The following FN3K variants were observed in gnomAD, a reference collection of about 807,000 sequenced individuals.
FN3K encodes fructosamine 3 kinase.
FN3K carries 24 observed loss-of-function variants against 24.8 expected under a neutral mutation model. That is an observed-to-expected ratio of 0.97 (90% CI 0.70 to 1.36). The LOEUF (loss-of-function observed/expected upper bound fraction) is 1.36. Among genes scored for constraint, FN3K ranks in the 40% most tolerant of loss-of-function variants. The pLI is 0.00. For missense variants in FN3K, 449 were observed against 416.7 expected, an observed-to-expected ratio of 1.08 and a Z score of -0.67; for synonymous variants, 192 against 175.2, an observed-to-expected ratio of 1.10 and a Z score of -0.76.
At chr17:82,737,081 G>A (rs528502445) in intron 1 of FN3K, among the ~76,000 whole-genome samples, 42 of 152,236 alleles carry the variant, frequency 2.8e-4, no homozygotes, top group African/African-American at 8.9e-4. Flanking sequence ...TGTGCCGGCC[G>A]CCCTCCCACC....
chr17:82,748,642 T>G (rs1212569136), intron 4 of FN3K, among the ~76,000 whole-genome samples: 1 of 152,222 alleles, frequency 6.6e-6, no homozygotes, highest in Non-Finnish European at 1.5e-5. Context: ...GTCATATAGT[T>G]TTGAGTCTGT....
At chr17:82,736,694 G>T (rs969569961) in intron 1 of FN3K, among the ~76,000 whole-genome samples, 2 of 152,220 alleles carry the variant, frequency 1.3e-5, no homozygotes, top group Non-Finnish European at 2.9e-5. Context: ...TCTCTGAGGG[G>T]CAGCAGGGGT....
At chr17:82,739,806 T>A (rs1455660366) in intron 2 of FN3K, among the ~76,000 whole-genome samples, 1 of 152,202 alleles carries the variant, frequency 6.6e-6, no homozygotes, top group East Asian at 1.9e-4. Flanking sequence ...CTCAAACTCC[T>A]GACCTCAGTG....
At chr17:82,743,409 G>C (rs1367038097) in intron 4 of FN3K, among the ~76,000 whole-genome samples, 1 of 152,198 alleles carries the variant, frequency 6.6e-6, no homozygotes, top group African/African-American at 2.4e-5. Flanking sequence ...GCGCCAGGGA[G>C]GACACCTGCC....
chr17:82,736,922 C>T (rs1326376377), intron 1 of FN3K, among the ~76,000 whole-genome samples: 4 of 152,218 alleles, frequency 2.6e-5, no homozygotes. Flanking sequence ...CCCCTCCTTC[C>T]CTCCCACCCC....
At position 82,750,750 on chromosome 17, in the gene FN3K, A is replaced by T; in HGVS notation, c.925A>T (p.Lys309Ter). The change falls in exon 6 of 6, where the codon AAG (lysine) becomes TAG (stop). Residue 309 changes from lysine to a stop codon, truncating the protein, a stop_gained. Transcript: ENST00000300784. LOFTEE classifies it high-confidence loss of function. ...CTTGGGCACCATGCGAAGGCTGCTC[A>T]AGTAGCGGCCCCTGCCCTCCCTTCC... ...PSLGTMRRLL[K>*] is the part of the protein sequence containing the mutation. The T allele has an allele frequency of 6.2e-7, 1 of 1,611,566 alleles. No individual in the cohort carries two copies.
chr17:82,738,390 G>A, intron 1 of FN3K, 99 bp from the exon 2 acceptor site: 1 of 1,517,650 alleles, frequency 6.6e-7, no homozygotes, highest in South Asian at 1.1e-5. Context: ...AGTGAATGAA[G>A]GTCCTTGTGA....
chr17:82,749,557 A>G (rs2451222), intron 5 of FN3K: 171,398 of 172,424 alleles, frequency 0.99, 85,197 homozygotes, highest in Non-Finnish European at 1. Context: ...CCAGCTACTC[A>G]GGAGGCTGAG....
At chr17:82,741,448 TTA>T in intron 4 of FN3K, 55 bp downstream of exon 4, 1 of 1,458,658 alleles carries the variant, frequency 6.9e-7, no homozygotes, top group Non-Finnish European at 9.5e-7. Flanking sequence ...CACCCACTCT[TTA>T]TATGTGACAG....
chr17:82,741,277 A>C, intron 3 of FN3K, 34 bp from the exon 4 acceptor site: 1 of 1,598,926 alleles, frequency 6.3e-7, no homozygotes. Context: ...AGAAAGACAA[A>C]CAGCTCCTTC....
intron 3 of FN3K, 75 bp downstream of exon 3, chr17:82,740,929 T>C (rs570335020): frequency 2.0e-5 from 19 of 961,276 alleles, no homozygotes; most frequent in Non-Finnish European, 3.2e-5. Context: ...ATGGTACTTC[T>C]TGGTGGCATT....
intron 1 of FN3K, 129 bp from the exon 2 acceptor site, chr17:82,738,360 C>A (rs1357475294): frequency 1.5e-6 from 2 of 1,330,180 alleles, no homozygotes; most frequent in Non-Finnish European, 2.1e-6. Flanking sequence ...GACGCCAGCT[C>A]CCAGCCAGAG....
In FN3K at chr17:82,738,589, G is replaced by A. The variant is rs1425739782; in HGVS notation, c.242G>A (p.Gly81Glu). ...PRPMKVIDLPGGGAAFVMEHL... is the reference protein window; with the variant it reads ...PRPMKVIDLPEGGAAFVMEHL... Reference sequence around the variant, plus strand: ...CCCATGAAGGTCATCGACCTGCCGGGAGGTGGGGCCGCCTTTGTGATGGAG... The same window carrying A: ...CCCATGAAGGTCATCGACCTGCCGGAAGGTGGGGCCGCCTTTGTGATGGAG... The change falls in exon 2 of 6, where the codon GGA becomes GAA. Residue 81 changes from glycine (G) to glutamate (E), a missense_variant. Coordinates refer to ENST00000300784, the MANE Select transcript of FN3K (RefSeq NM_022158.4). 4 of 1,614,118 alleles carry A rather than the reference G, an allele frequency of 2.5e-6. No homozygotes were observed. Among genetic ancestry groups the A allele is most frequent in the Non-Finnish European group, 3.4e-6 (4 of 1,180,022 alleles).
In FN3K at chr17:82,738,591, G is replaced by A; in HGVS notation, c.244G>A (p.Gly82Ser). The change falls in exon 2 of 6, where the codon GGT becomes AGT. Residue 82 changes from glycine (G) to serine (S), a missense_variant. Transcript: ENST00000300784. The part of the protein sequence containing the change: ...RPMKVIDLPG[G>S]GAAFVMEHLK... ...CATGAAGGTCATCGACCTGCCGGGA[G>A]GTGGGGCCGCCTTTGTGATGGAGCA... The A allele has an allele frequency of 9.3e-6, 15 of 1,614,120 alleles. No individual in the cohort carries two copies. Among genetic ancestry groups the A allele is most frequent in the Non-Finnish European group, 1.3e-5 (15 of 1,180,024 alleles).
At chr17:82,745,256 C>G (rs942225688) in intron 4 of FN3K, 2 of 193,848 alleles carry the variant, frequency 1.0e-5, no homozygotes, top group Non-Finnish European at 2.0e-5. Flanking sequence ...TGACTCTTAA[C>G]GAGTATGCTG....
At chr17:82,742,408 C>T (rs1164566542) in intron 4 of FN3K, among the ~76,000 whole-genome samples, 1 of 152,156 alleles carries the variant, frequency 6.6e-6, no homozygotes, top group Non-Finnish European at 1.5e-5. Context: ...TTTCCTGGTC[C>T]CTGGCAACCT....
chr17:82,739,001 G>C (rs2143640707), intron 2 of FN3K, among the ~76,000 whole-genome samples: 1 of 142,620 alleles, frequency 7.0e-6, no homozygotes, highest in South Asian at 2.3e-4. Flanking sequence ...AGAGTGCAGT[G>C]CAGTGGTGCA....
chr17:82,743,827 C>A (rs1178244676), intron 4 of FN3K, among the ~76,000 whole-genome samples: 1 of 152,238 alleles, frequency 6.6e-6, no homozygotes, highest in East Asian at 1.9e-4. Flanking sequence ...CAGGCCCTGA[C>A]CATGACGCAG....
intron 1 of FN3K, chr17:82,738,182 T>C (rs931520188): frequency 4.7e-5 from 17 of 363,138 alleles, no homozygotes; most frequent in Non-Finnish European, 8.9e-5. Flanking sequence ...CTTGGTTCAC[T>C]CACACCTCCC....
Sources: allele counts gnomAD v4.1 joint callset (sites outside exome capture counted in the v4.1 genomes callset), GRCh38; gene constraint gnomAD v4.1.1; transcripts MANE v1.5; gene names NCBI Gene and HGNC (gene_info 2026-07-23, HGNC 2026-07-21).